Variants in PDE11A observed in about 807,000 individuals in gnomAD.
PDE11A encodes the protein dual 3',5'-cyclic-AMP and -GMP phosphodiesterase 11A.
PDE11A carries 100 observed loss-of-function variants against 100.5 expected under a neutral mutation model. The ratio of observed to expected loss-of-function variants is 1.00; its 90% CI spans 0.85 to 1.18. The LOEUF (loss-of-function observed/expected upper bound fraction) is 1.18, where lower values mean the gene tolerates loss of function less well. Ranked by LOEUF, PDE11A falls within the 50% of genes most tolerant of loss-of-function variation. The pLI is 0.00. For missense variants in PDE11A, 1,141 were observed against 1,152.6 expected, an observed-to-expected ratio of 0.99 and a Z score of 0.15; for synonymous variants, 381 against 420.8, an observed-to-expected ratio of 0.91 and a Z score of 1.16.
intron 6 of PDE11A, among the ~76,000 whole-genome samples, chr2:177,824,000 T>C (rs374485201): frequency 6.6e-6 from 1 of 152,140 alleles, no homozygotes; most frequent in Admixed American, 6.6e-5. Flanking sequence ...ATTTAGAAGC[T>C]GGTGGTGAGA....
intron 6 of PDE11A, among the ~76,000 whole-genome samples, chr2:177,827,856 G>A (rs1010949157): frequency 6.6e-6 from 1 of 152,200 alleles, no homozygotes; most frequent in African/African-American, 2.4e-5. Context: ...TGCAAATGCA[G>A]TTTATGTACA....
intron 17 of PDE11A, among the ~76,000 whole-genome samples, chr2:177,673,865 T>G (rs2080725069): frequency 6.6e-6 from 1 of 152,166 alleles, no homozygotes; most frequent in Non-Finnish European, 1.5e-5. Flanking sequence ...GCGGGAAGCA[T>G]TTAATTGCCA....
At chr2:178,020,664 C>T (rs562205615) in intron 1 of PDE11A, among the ~76,000 whole-genome samples, 180 of 151,966 alleles carry the variant, frequency 1.2e-3, no homozygotes, top group African/African-American at 4.2e-3. Context: ...TGGTGGTAGG[C>T]GCCTGTAATC....
At chr2:178,052,586 GA>G (rs2086843458) in intron 1 of PDE11A, among the ~76,000 whole-genome samples, 1 of 151,512 alleles carries the variant, frequency 6.6e-6, no homozygotes, top group East Asian at 1.9e-4. Context: ...CTGGTTTTTT[GA>G]AAAGATCAAC....
At chr2:177,687,841 C>T (rs1038686212) in intron 15 of PDE11A, 1 of 152,094 alleles carries the variant, frequency 6.6e-6, no homozygotes, top group Non-Finnish European at 1.5e-5. Flanking sequence ...GGTGAGGAAA[C>T]TCAAGGTGAA....
At chr2:177,663,723 A>G in intron 19 of PDE11A, 143 bp downstream of exon 19, 2 of 689,098 alleles carry the variant, frequency 2.9e-6, no homozygotes, top group Non-Finnish European at 2.6e-6. Flanking sequence ...ACAGTCAGAA[A>G]TCCAAGAAAG....
At chr2:178,053,704 C>A (rs1250117540) in intron 1 of PDE11A, among the ~76,000 whole-genome samples, 2 of 152,134 alleles carry the variant, frequency 1.3e-5, no homozygotes, top group Admixed American at 6.5e-5. Flanking sequence ...CACAAGCATT[C>A]CTATATACCA....
At chr2:177,960,649 G>C (rs983419647) in intron 2 of PDE11A, among the ~76,000 whole-genome samples, 11 of 151,260 alleles carry the variant, frequency 7.3e-5, no homozygotes, top group African/African-American at 2.4e-4. Flanking sequence ...AAACAGAAAA[G>C]CTGCCAAGTC....
chr2:177,803,199 T>A (rs2082818313), intron 9 of PDE11A, among the ~76,000 whole-genome samples: 1 of 151,540 alleles, frequency 6.6e-6, no homozygotes, highest in Non-Finnish European at 1.5e-5. Flanking sequence ...TAGAATAAGA[T>A]GAAATAATAG....
chr2:177,651,630 T>G (rs2080310428), intron 19 of PDE11A, among the ~76,000 whole-genome samples: 1 of 152,150 alleles, frequency 6.6e-6, no homozygotes, highest in Non-Finnish European at 1.5e-5. Flanking sequence ...TTAGGTCTTT[T>G]TTTTTCTCCC....
intron 9 of PDE11A, among the ~76,000 whole-genome samples, chr2:177,806,709 G>A (rs2082877200): frequency 6.6e-6 from 1 of 152,194 alleles, no homozygotes; most frequent in South Asian, 2.1e-4. Flanking sequence ...TGCCCTTGAT[G>A]TTAGAATTAA....
upstream of PDE11A, among the ~76,000 whole-genome samples, chr2:178,076,867 A>T (rs1430038904): frequency 6.6e-6 from 1 of 152,164 alleles, no homozygotes; most frequent in African/African-American, 2.4e-5. Flanking sequence ...GGCCTCTCAT[A>T]CATATCTAGG....
intron 7 of PDE11A, among the ~76,000 whole-genome samples, chr2:177,818,768 G>A (rs2083086176): frequency 6.6e-6 from 1 of 151,730 alleles, no homozygotes; most frequent in African/African-American, 2.4e-5. Context: ...TATACCAGAT[G>A]TTTTAGGGCA....
At chr2:177,699,746 T>C (rs1238274714) in intron 14 of PDE11A, among the ~76,000 whole-genome samples, 1 of 152,242 alleles carries the variant, frequency 6.6e-6, no homozygotes, top group Non-Finnish European at 1.5e-5. Context: ...CATTTCTGCC[T>C]TTCTGATGGG....
chr2:177,637,319 G>T (rs1042554181), intron 19 of PDE11A, among the ~76,000 whole-genome samples: 4 of 152,100 alleles, frequency 2.6e-5, no homozygotes, highest in Non-Finnish European at 5.9e-5. Flanking sequence ...CTTCCCTAGA[G>T]AACTAATCCT....
intron 19 of PDE11A, among the ~76,000 whole-genome samples, chr2:177,637,377 C>T (rs914096608): frequency 1.3e-4 from 20 of 152,156 alleles, no homozygotes; most frequent in African/African-American, 4.8e-4. Context: ...CTTCTCTGGT[C>T]TTCTGGTATG....
chr2:177,706,774 T>TGATGTGAGGATGC (rs1330434908), intron 13 of PDE11A, among the ~76,000 whole-genome samples: 1 of 152,170 alleles, frequency 6.6e-6, no homozygotes, highest in African/African-American at 2.4e-5. Context: ...TTTGATCATG[T>TGATGTGAGGATGC]GATGTGAGGA....
intron 7 of PDE11A, 101 bp from the exon 8 acceptor site, chr2:177,818,026 G>A (rs2083072385): frequency 2.8e-6 from 2 of 715,716 alleles, no homozygotes; most frequent in African/African-American, 3.5e-5. Context: ...TTAAGGAACT[G>A]CACTCAGTTT....
At chr2:178,060,735 A>T (rs953264886) in intron 1 of PDE11A, among the ~76,000 whole-genome samples, 2 of 152,272 alleles carry the variant, frequency 1.3e-5, no homozygotes, top group African/African-American at 4.8e-5. Context: ...GTATTCTCTG[A>T]GCAATCTCCT....
Sources: gnomAD v4.1 joint callset for allele counts (sites outside exome capture counted in the v4.1 genomes callset) on GRCh38, gnomAD v4.1.1 for gene constraint, MANE v1.5 for transcripts, NCBI Gene and HGNC (gene_info 2026-07-23, HGNC 2026-07-21) for gene names.